The following CEP112 variants were observed in gnomAD, a reference collection of about 807,000 sequenced individuals.
The protein encoded by CEP112 is centrosomal protein 112, also known as centrosomal protein of 112 kDa.
CEP112 carries 127 observed loss-of-function variants against 153.0 expected under a neutral mutation model. The ratio of observed to expected loss-of-function variants is 0.83; its 90% CI spans 0.72 to 0.96. The LOEUF is 0.96. Ranked by LOEUF, CEP112 falls within the 40% of genes least tolerant of loss-of-function variation. The probability of loss-of-function intolerance (pLI) is 0.00; values close to 1 mark genes in which losing one functional copy is unlikely to be tolerated. For synonymous variants in CEP112, 358 were observed against 374.4 expected (o/e 0.96, Z 0.51); for missense variants, 1,089 against 1,101.2 (o/e 0.99, Z 0.16).
chr17:65,952,984 C>G (rs944636609), intron 18 of CEP112, among the ~76,000 whole-genome samples: 1 of 151,708 alleles, frequency 6.6e-6, no homozygotes, highest in East Asian at 1.9e-4. Flanking sequence ...TTATTGAGTT[C>G]TAAGATTTCT....
At chr17:65,701,699 A>G (rs2048639809) in intron 23 of CEP112, among the ~76,000 whole-genome samples, 1 of 151,984 alleles carries the variant, frequency 6.6e-6, no homozygotes, top group South Asian at 2.1e-4. Flanking sequence ...CATCATCTCA[A>G]ACTTCCAAGT....
intron 21 of CEP112, among the ~76,000 whole-genome samples, chr17:65,777,692 A>G (rs1202403264): frequency 6.6e-6 from 1 of 152,156 alleles, no homozygotes; most frequent in Non-Finnish European, 1.5e-5. Flanking sequence ...GAGTCCATAG[A>G]CCACTCCCTA....
intron 12 of CEP112, among the ~76,000 whole-genome samples, chr17:66,045,928 G>A (rs868363000): frequency 4.6e-5 from 7 of 152,144 alleles, no homozygotes; most frequent in African/African-American, 1.4e-4. Flanking sequence ...CCTCACAAGT[G>A]TACAGTGGAG....
At chr17:66,112,308 T>G (rs1292149773) in intron 6 of CEP112, among the ~76,000 whole-genome samples, 4 of 150,146 alleles carry the variant, frequency 2.7e-5, no homozygotes, top group Admixed American at 2.0e-4. Context: ...ATAAAAAAAT[T>G]AAAAAAACAA....
chr17:65,879,522 T>C (rs2058976504), intron 20 of CEP112, among the ~76,000 whole-genome samples: 1 of 152,198 alleles, frequency 6.6e-6, no homozygotes, highest in Non-Finnish European at 1.5e-5. Context: ...AGGAAACTAA[T>C]ACCATTTCCC....
At chr17:65,686,452 C>T (rs2047796557) in intron 24 of CEP112, among the ~76,000 whole-genome samples, 1 of 152,128 alleles carries the variant, frequency 6.6e-6, no homozygotes, top group African/African-American at 2.4e-5. Context: ...GAAGTTTTGC[C>T]ATGAATTAAA....
intron 21 of CEP112, among the ~76,000 whole-genome samples, chr17:65,796,330 A>G (rs188445738): frequency 1.5e-3 from 226 of 152,312 alleles, no homozygotes; most frequent in African/African-American, 5.2e-3. Flanking sequence ...TCTTTGTGCA[A>G]AATCAACCAC....
At chr17:65,935,991 T>G (rs1001616531) in intron 18 of CEP112, among the ~76,000 whole-genome samples, 1 of 151,570 alleles carries the variant, frequency 6.6e-6, no homozygotes. Context: ...AAAATAAAAT[T>G]TACTAAACAT....
In CEP112 at chr17:65,938,127, T is replaced by G. The variant is rs1427468806; in HGVS notation, c.1873-10438A>C. Among the ~76,000 whole-genome samples the G allele has an allele frequency of 3.2e-5, 4 of 124,734 alleles. 1 individual carries two copies. Among genetic ancestry groups the G allele is most frequent in the Admixed American group, 9.4e-5 (1 of 10,598 alleles). 81.8% of individuals were successfully genotyped at this position (124,734 alleles called of 152,430 possible). ...TGATCTGTGACCTTACCCCCAACCC[T>G]GTGCTCTCTGAAACATGTGCTGTGT... On this transcript the variant is annotated intron_variant, in intron 18 of 26. Coordinates refer to ENST00000535342, the MANE Select transcript of CEP112 (RefSeq NM_001199165.4).
chr17:66,061,428 T>C (rs1300557201), intron 11 of CEP112, among the ~76,000 whole-genome samples: 1 of 152,142 alleles, frequency 6.6e-6, no homozygotes, highest in Admixed American at 6.6e-5. Context: ...CCCTACTAGA[T>C]ATATATCTGA....
chr17:65,837,887 C>T (rs894014310), intron 21 of CEP112, among the ~76,000 whole-genome samples: 3 of 152,100 alleles, frequency 2.0e-5, no homozygotes, highest in Non-Finnish European at 4.4e-5. Context: ...TGCTTGAAGG[C>T]AGCATACTCG....
intron 8 of CEP112, among the ~76,000 whole-genome samples, chr17:66,079,873 A>G (rs549122022): frequency 4.6e-5 from 7 of 152,246 alleles, no homozygotes; most frequent in Non-Finnish European, 5.9e-5. Context: ...CAACCATCTG[A>G]TCTTTGACAA....
chr17:65,953,539 A>G (rs960838197), intron 18 of CEP112, among the ~76,000 whole-genome samples: 1 of 152,200 alleles, frequency 6.6e-6, no homozygotes, highest in Non-Finnish European at 1.5e-5. Context: ...TCTCAATGGG[A>G]GGCTCGTGAT....
intron 12 of CEP112, among the ~76,000 whole-genome samples, chr17:66,039,531 T>C (rs1158870641): frequency 6.6e-6 from 1 of 152,134 alleles, no homozygotes; most frequent in African/African-American, 2.4e-5. Flanking sequence ...CACTCCAGCC[T>C]GGGCAACAGA....
intron 19 of CEP112, among the ~76,000 whole-genome samples, chr17:65,909,705 T>C (rs1411778478): frequency 6.6e-6 from 1 of 152,114 alleles, no homozygotes; most frequent in East Asian, 1.9e-4. Context: ...ATGAGAACAT[T>C]CACTGGCAGT....
At chr17:66,068,988 G>A (rs2067217618) in intron 9 of CEP112, among the ~76,000 whole-genome samples, 2 of 151,736 alleles carry the variant, frequency 1.3e-5, no homozygotes, top group South Asian at 2.1e-4. Flanking sequence ...AGAGGAAATT[G>A]GAAAAGGAGA....
intron 12 of CEP112, among the ~76,000 whole-genome samples, chr17:66,051,594 C>T (rs1348374): frequency 6.6e-6 from 1 of 151,940 alleles, no homozygotes; most frequent in African/African-American, 2.4e-5. Context: ...ACTGTGCATA[C>T]CACTTCTCAT....
intron 21 of CEP112, among the ~76,000 whole-genome samples, chr17:65,771,410 A>G (rs1157764482): frequency 1.3e-5 from 2 of 152,196 alleles, no homozygotes; most frequent in Non-Finnish European, 2.9e-5. Context: ...GACAGAAATG[A>G]AAGGATAAAT....
At chr17:66,070,241 T>C (rs1222342568) in intron 8 of CEP112, among the ~76,000 whole-genome samples, 1 of 152,108 alleles carries the variant, frequency 6.6e-6, no homozygotes, top group African/African-American at 2.4e-5. Context: ...AAACTGACAA[T>C]ATGAAGTACA....
Sources: allele counts gnomAD v4.1 joint callset (sites outside exome capture counted in the v4.1 genomes callset), GRCh38; gene constraint gnomAD v4.1.1; transcripts MANE v1.5; gene names NCBI Gene and HGNC (gene_info 2026-07-23, HGNC 2026-07-21).